FBXW2: variants seen among roughly 807,000 people sequenced by gnomAD.
FBXW2 encodes the protein F-box/WD repeat-containing protein 2.
FBXW2 carries 12 observed loss-of-function variants against 46.0 expected under a neutral mutation model. That is an observed-to-expected ratio of 0.26 (90% CI 0.17 to 0.42). FBXW2 has a LOEUF of 0.42. Among genes scored for constraint, FBXW2 ranks in the 10% least tolerant of loss-of-function variants. The pLI is 1.00. For missense variants in FBXW2, 360 were observed against 537.0 expected, an observed-to-expected ratio of 0.67 and a Z score of 3.26; for synonymous variants, 203 against 209.6, an observed-to-expected ratio of 0.97 and a Z score of 0.27.
In FBXW2 at chr9:120,764,514, G is replaced by C; in HGVS notation, c.*45C>G. On this transcript the variant is annotated 3_prime_UTR_variant, in exon 8 of 8. Transcript: ENST00000608872. ...GCCGCAGAGGTTGCACCCAAAACCC[G>C]CAGCCCCGGCACCCAAAGTCAGTCA... is the stretch of plus-strand genomic sequence containing the variant. The C allele has an allele frequency of 6.3e-7, 1 of 1,581,918 alleles. No individual in the cohort carries two copies. The highest frequency in any genetic ancestry group is 8.6e-7 in the Non-Finnish European group (1 of 1,158,928).
rs1264768341 is a variant in FBXW2, at chr9:120,759,750, A to T, written c.*4809T>A. The T allele has an allele frequency of 1.3e-5, 2 of 152,242 alleles. No homozygotes were observed. Among genetic ancestry groups the T allele is most frequent in the African/African-American group, 4.8e-5 (2 of 41,460 alleles). 9.4% of individuals were successfully genotyped at this position (152,242 alleles called of 1,614,324 possible). ...ATTTATGAAGAGTAGAAGTAGCTGA[A>T]TTCTTTAGGCTGCAATAATTAAGTG... is the stretch of plus-strand genomic sequence containing the variant. On this transcript the variant is annotated 3_prime_UTR_variant, in exon 8 of 8. Coordinates refer to ENST00000608872, the MANE Select transcript of FBXW2 (RefSeq NM_012164.4).
At chr9:120,774,164 C>T (rs1159399358) in intron 5 of FBXW2, among the ~76,000 whole-genome samples, 2 of 151,916 alleles carry the variant, frequency 1.3e-5, no homozygotes, top group African/African-American at 2.4e-5. Context: ...AATGAAACTC[C>T]GTCTCTACTA....
At position 120,763,753 on chromosome 9, in the gene FBXW2, A is replaced by C. The variant is rs925160404; in HGVS notation, c.*806T>G. 9 of 152,234 alleles carry C rather than the reference A, an allele frequency of 5.9e-5. No individual in the cohort carries two copies. The highest frequency in any genetic ancestry group is 2.2e-4 in the African/African-American group (9 of 41,462). 9.4% of individuals were successfully genotyped at this position (152,234 alleles called of 1,614,324 possible). ...AGCTTCATACCTGGCTGTACAGACA[A>C]GGAAGCTGGGACCCAGAGAGGGTGC... is the stretch of plus-strand genomic sequence containing the variant. On this transcript the variant is annotated 3_prime_UTR_variant, in exon 8 of 8. Coordinates refer to ENST00000608872, the MANE Select transcript of FBXW2 (RefSeq NM_012164.4).
intron 2 of FBXW2, chr9:120,792,817 A>G: frequency 1.6e-6 from 2 of 1,272,940 alleles, no homozygotes; most frequent in Non-Finnish European, 2.1e-6. Context: ...AGTAAATGTC[A>G]GTTACCATTA....
Position 120,763,927 on chromosome 9 carries a change from A to G in FBXW2, c.*632T>C, listed in dbSNP as rs1215891203. 6.5e-6 allele frequency: 1 copy of G among 152,754 alleles called. No homozygotes were observed. Among genetic ancestry groups the G allele is most frequent in the East Asian group, 1.9e-4 (1 of 5,208 alleles). 9.5% of individuals were successfully genotyped at this position (152,754 alleles called of 1,614,324 possible). On this transcript the variant is annotated 3_prime_UTR_variant, in exon 8 of 8. Transcript: ENST00000608872. The stretch of plus-strand genomic sequence containing the variant: ...AAACTACAGAACTCGCTCACATCTT[A>G]AACATGGCCAACCTTGACTCTGCCA...
At position 120,787,619 on chromosome 9, in the gene FBXW2, G is replaced by C. The variant is rs185550127; in HGVS notation, c.490+150C>G. 718 of 699,466 alleles carry C rather than the reference G, an allele frequency of 1.0e-3. 4 individuals carry two copies. The African/African-American group carries it at 0.011, about 10-fold the overall frequency. 43.3% of individuals were successfully genotyped at this position (699,466 alleles called of 1,614,324 possible). On this transcript the variant is annotated intron_variant, in intron 3 of 7. Coordinates refer to ENST00000608872, the MANE Select transcript of FBXW2 (RefSeq NM_012164.4). ...CTCTAGAGAGAAGGAAGAGGATAAG[G>C]GGGGGGAACCACTCAGGATTAGAGA...
At chr9:120,778,573 A>G in intron 3 of FBXW2, 28 bp from the exon 4 acceptor site, 1 of 1,596,412 alleles carries the variant, frequency 6.3e-7, no homozygotes, top group Non-Finnish European at 8.6e-7. Context: ...GGAGGTTAAT[A>G]AGAAAACAAA....
intron 4 of FBXW2, 74 bp downstream of exon 4, chr9:120,778,277 C>G (rs2044541485): frequency 1.6e-6 from 2 of 1,236,242 alleles, no homozygotes; most frequent in African/African-American, 1.5e-5. Context: ...AAAAAAAAAG[C>G]ATTTCACATT....
At position 120,778,381 on chromosome 9, in the gene FBXW2, T is replaced by C; in HGVS notation, c.655A>G (p.Thr219Ala). 1 of 1,612,388 alleles carries C rather than the reference T, an allele frequency of 6.2e-7. No homozygotes were observed. The highest frequency in any genetic ancestry group is 1.3e-5 in the African/African-American group (1 of 74,718). The change falls in exon 4 of 8, where the codon ACC becomes GCC. Residue 219 changes from threonine to alanine, a missense_variant. Coordinates refer to ENST00000608872, the MANE Select transcript of FBXW2 (RefSeq NM_012164.4). ...ACWEWSSGAR[T>A]QHFRGHTGAV... The stretch of plus-strand genomic sequence containing the variant: ...CCCGTGTGCCCCCGAAAGTGCTGGG[T>C]CCTGGCTCCGGAACTCCATTCCCAG...
chr9:120,786,018 C>CA (rs3047150), intron 3 of FBXW2, among the ~76,000 whole-genome samples: 1,713 of 40,098 alleles, frequency 0.043, 71 homozygotes, highest in Admixed American at 0.064. Flanking sequence ...GACTCCATCT[C>CA]AAAAAAAAAA....
At position 120,792,846 on chromosome 9, in the gene FBXW2, G is replaced by C. The variant is rs1240472415; in HGVS notation, c.-21+303C>G. On this transcript the variant is annotated intron_variant, in intron 2 of 7. Transcript: ENST00000608872. ...ACCATTATTACTTAGCATTAATATT[G>C]TTATCTTTGCTTTACTTCAAGCAGC... The C allele has an allele frequency of 9.8e-6, 14 of 1,433,276 alleles. No individual in the cohort carries two copies. In the South Asian group the frequency reaches 1.2e-4, roughly 12 times the overall value. The allele number at this position is 1,433,276 out of a possible 1,614,324, so 88.8% of individuals were successfully genotyped here.
At chr9:120,770,552 G>C (rs1314506529) in intron 7 of FBXW2, among the ~76,000 whole-genome samples, 1 of 152,088 alleles carries the variant, frequency 6.6e-6, no homozygotes, top group African/African-American at 2.4e-5. Flanking sequence ...GGTCCTCTCA[G>C]ACTTATTATT....
At chr9:120,781,448 G>A (rs1277704251) in intron 3 of FBXW2, among the ~76,000 whole-genome samples, 1 of 152,082 alleles carries the variant, frequency 6.6e-6, no homozygotes, top group African/African-American at 2.4e-5. Flanking sequence ...ATAGTGGCAA[G>A]GTTTGGCTGC....
chr9:120,777,062 T>C (rs1483867595), intron 4 of FBXW2, among the ~76,000 whole-genome samples: 1 of 152,046 alleles, frequency 6.6e-6, no homozygotes, highest in African/African-American at 2.4e-5. Context: ...GAAAAAAGAA[T>C]ACTGCAAGCA....
intron 1 of FBXW2, 26 bp downstream of exon 1, chr9:120,793,328 C>G (rs918105584): frequency 1.9e-5 from 8 of 428,200 alleles, no homozygotes; most frequent in African/African-American, 1.4e-4. Flanking sequence ...GTCCCCTCCC[C>G]GACCGGCCCC....
chr9:120,775,493 C>T (rs1210161168), intron 5 of FBXW2, among the ~76,000 whole-genome samples: 1 of 152,176 alleles, frequency 6.6e-6, no homozygotes, highest in Non-Finnish European at 1.5e-5. Flanking sequence ...TTTGCTTACT[C>T]CTGTTTTCTC....
intron 3 of FBXW2, among the ~76,000 whole-genome samples, chr9:120,779,952 G>A (rs1228844708): frequency 6.6e-6 from 1 of 151,892 alleles, no homozygotes; most frequent in Admixed American, 6.6e-5. Context: ...AGGAGTTCAA[G>A]ACCATCGCGA....
At chr9:120,782,436 G>C (rs1435984688) in intron 3 of FBXW2, among the ~76,000 whole-genome samples, 2 of 151,796 alleles carry the variant, frequency 1.3e-5, no homozygotes, top group East Asian at 3.9e-4. Flanking sequence ...CTGCACTCCA[G>C]CCTGGGCACC....
In FBXW2 at chr9:120,764,402, G is replaced by C. The variant is rs954943754; in HGVS notation, c.*157C>G. On this transcript the variant is annotated 3_prime_UTR_variant, in exon 8 of 8. Transcript: ENST00000608872. ...TAAAACAAGCCCTCCCCCACCCCGA[G>C]CCCTGGCCCCTGGCAAAACATAGAT... 7.6e-6 allele frequency: 6 copies of C among 793,522 alleles called. No homozygotes were observed. The South Asian group carries it at 1.1e-4, about 14-fold the overall frequency. 49.2% of individuals were successfully genotyped at this position (793,522 alleles called of 1,614,324 possible).
Sources: allele counts gnomAD v4.1 joint callset (sites outside exome capture counted in the v4.1 genomes callset), GRCh38; gene constraint gnomAD v4.1.1; transcripts MANE v1.5; gene names NCBI Gene and HGNC (gene_info 2026-07-23, HGNC 2026-07-21).